The following RNF220 variants were observed in gnomAD, a reference collection of about 807,000 sequenced individuals.
The protein encoded by RNF220 is ring finger protein 220.
In RNF220, 7 loss-of-function variants were observed where a neutral mutation model predicts 67.1. That is an observed-to-expected ratio of 0.10 (90% confidence interval 0.06 to 0.20). The LOEUF (loss-of-function observed/expected upper bound fraction) is 0.20, where lower values mean the gene tolerates loss of function less well. Ranked by LOEUF, RNF220 falls within the 10% of genes least tolerant of loss-of-function variation. The pLI, the probability that RNF220 is intolerant of heterozygous loss-of-function variation, is 1.00. For synonymous variants in RNF220, 270 were observed against 283.2 expected (o/e 0.95, Z 0.47); for missense variants, 565 against 740.3 (o/e 0.76, Z 2.75).
intron 2 of RNF220, among the ~76,000 whole-genome samples, chr1:44,557,302 AT>A (rs1185093642): frequency 6.6e-6 from 1 of 150,948 alleles, no homozygotes; most frequent in Non-Finnish European, 1.5e-5. Context: ...GGGAGCATCG[AT>A]TGAGCCTAGG....
chr1:44,425,699 T>G (rs1649695874), intron 2 of RNF220, among the ~76,000 whole-genome samples: 1 of 152,208 alleles, frequency 6.6e-6, no homozygotes, highest in Non-Finnish European at 1.5e-5. Context: ...TGGTAGATAA[T>G]CCCTGCCCTA....
intron 2 of RNF220, among the ~76,000 whole-genome samples, chr1:44,477,285 T>C (rs1384740327): frequency 6.6e-6 from 1 of 152,230 alleles, no homozygotes; most frequent in East Asian, 1.9e-4. Context: ...GTAAGGCTTA[T>C]AGTCCAGTGG....
Position 44,649,354 on chromosome 1 carries a change from G to A in RNF220, c.1446-307G>A. On this transcript the variant is annotated intron_variant, in intron 12 of 14. Coordinates refer to ENST00000361799, the MANE Select transcript of RNF220 (RefSeq NM_018150.4). This position sits in a 1 kb window ranked among gnomAD's most constrained non-coding sequence, Gnocchi z 5.9. ...GAGCCTGGACTCATGGTGGTGAGGA[G>A]AGATGCCGGAGATACTAGGAGAGAT... 2.3e-6 allele frequency: 1 copy of A among 426,492 alleles called. No individual in the cohort carries two copies. Among genetic ancestry groups the A allele is most frequent in the South Asian group, 2.4e-5 (1 of 42,316 alleles). 26.4% of individuals were successfully genotyped at this position (426,492 alleles called of 1,614,324 possible).
At chr1:44,420,364 T>C (rs1027581803) in intron 2 of RNF220, among the ~76,000 whole-genome samples, 3 of 152,236 alleles carry the variant, frequency 2.0e-5, no homozygotes, top group Admixed American at 1.3e-4. Flanking sequence ...GCTAGACTTA[T>C]GGCTTTACAT....
At chr1:44,545,778 T>C (rs1662085080) in intron 2 of RNF220, among the ~76,000 whole-genome samples, 1 of 148,670 alleles carries the variant, frequency 6.7e-6, no homozygotes, top group Non-Finnish European at 1.5e-5. Context: ...TTTTTTGAGA[T>C]GGAGTCTCAC....
At chr1:44,524,543 T>C (rs1159550381) in intron 2 of RNF220, among the ~76,000 whole-genome samples, 1 of 152,170 alleles carries the variant, frequency 6.6e-6, no homozygotes, top group Non-Finnish European at 1.5e-5. Context: ...TTTTTACATC[T>C]CTTACCTGCC....
At chr1:44,516,097 A>C (rs953807580) in intron 2 of RNF220, among the ~76,000 whole-genome samples, 4 of 152,230 alleles carry the variant, frequency 2.6e-5, no homozygotes, top group African/African-American at 9.6e-5. Flanking sequence ...TTTTTCACTC[A>C]TCTAAACTTT....
intron 2 of RNF220, among the ~76,000 whole-genome samples, chr1:44,546,667 C>G (rs1004308163): frequency 2.0e-5 from 3 of 152,292 alleles, no homozygotes; most frequent in Middle Eastern, 3.4e-3. Context: ...GCTTCAGAGT[C>G]ATTGATGCAC....
At chr1:44,475,973 C>T (rs1655266743) in intron 2 of RNF220, among the ~76,000 whole-genome samples, 1 of 148,532 alleles carries the variant, frequency 6.7e-6, no homozygotes, top group African/African-American at 2.5e-5. Flanking sequence ...GATCGCCAGC[C>T]TAGTAATAGA....
intron 2 of RNF220, among the ~76,000 whole-genome samples, chr1:44,561,048 G>A (rs185071374): frequency 3.3e-5 from 5 of 152,352 alleles, no homozygotes; most frequent in Admixed American, 6.5e-5. Context: ...TCCTGGGAAT[G>A]GAGAAATGAA....
chr1:44,405,815 G>T (rs1358494454), intron 1 of RNF220, among the ~76,000 whole-genome samples: 3 of 144,668 alleles, frequency 2.1e-5, no homozygotes, highest in African/African-American at 7.5e-5. Flanking sequence ...AGGGGGGGAG[G>T]TGCAAGGGGG....
At chr1:44,596,316 C>A (rs1666483997) in intron 2 of RNF220, among the ~76,000 whole-genome samples, 1 of 152,056 alleles carries the variant, frequency 6.6e-6, no homozygotes, top group South Asian at 2.1e-4. Flanking sequence ...AATCCCAGCA[C>A]TTTGGGAGGC....
In RNF220 at chr1:44,544,023, G is replaced by A. The variant is rs530407295; in HGVS notation, c.626-70142G>A. Among the ~76,000 whole-genome samples, 7 of 152,308 alleles carry A rather than the reference G, an allele frequency of 4.6e-5. No individual in the cohort carries two copies. The East Asian group carries it at 1.4e-3, about 29-fold the overall frequency. Reference sequence around the variant, plus strand: ...AGCTGGACAGCAGAGCATCCCACTGGCCTGTGGAGCTGGGGACAGAGAGCA... The same window carrying A: ...AGCTGGACAGCAGAGCATCCCACTGACCTGTGGAGCTGGGGACAGAGAGCA... On this transcript the variant is annotated intron_variant, in intron 2 of 14. Coordinates refer to ENST00000361799, the MANE Select transcript of RNF220 (RefSeq NM_018150.4).
chr1:44,405,887 A>G (rs1288835266), intron 1 of RNF220, among the ~76,000 whole-genome samples: 1 of 152,194 alleles, frequency 6.6e-6, no homozygotes, highest in Non-Finnish European at 1.5e-5. Flanking sequence ...GGAAGGGAGC[A>G]GGACTTCTTT....
chr1:44,632,345 C>G lies in RNF220; in HGVS notation c.909C>G (p.Thr303=), dbSNP rs752360152. 8.1e-6 allele frequency: 13 copies of G among 1,613,988 alleles called. No homozygotes were observed. The highest frequency in any genetic ancestry group is 1.3e-5 in the African/African-American group (1 of 74,916). ...DDLHHSDRYQ[T]FLRVRANRQT... ...ATCTGCCCGCGATCTTCTCCCAGAC[C>G]TTTCTGCGAGTACGAGCCAACCGGC... Residue 303 remains threonine (T), a splice_region_variant and synonymous_variant, in exon 6 of 15, where the codon ACC becomes ACG. Transcript: ENST00000361799.
chr1:44,560,102 G>A (rs1663446598), intron 2 of RNF220, among the ~76,000 whole-genome samples: 1 of 152,204 alleles, frequency 6.6e-6, no homozygotes, highest in South Asian at 2.1e-4. Context: ...GCAGCTACTT[G>A]ATGACGGCGT....
rs374800456 is a variant in RNF220, at chr1:44,587,060, T to TC, written c.626-27100dup. On this transcript the variant is annotated intron_variant, in intron 2 of 14. Coordinates refer to ENST00000361799, the MANE Select transcript of RNF220 (RefSeq NM_018150.4). ...TGATCCCTTAACAACATGGGCAAAT[T>TC]CCCCCTAATTCCCAGTTCCTTCTGT... is the stretch of plus-strand genomic sequence containing the variant. 3.0e-3 allele frequency among the ~76,000 whole-genome samples: 440 copies of TC among 146,624 alleles called. 2 individuals carry two copies. The highest frequency in any genetic ancestry group is 0.011 in the African/African-American group (428 of 38,154).
chr1:44,525,007 G>A (rs1660253640), intron 2 of RNF220, among the ~76,000 whole-genome samples: 1 of 150,424 alleles, frequency 6.6e-6, no homozygotes. Flanking sequence ...GAAAAAAAAT[G>A]TCACCCGTCT....
intron 2 of RNF220, among the ~76,000 whole-genome samples, chr1:44,551,303 C>T (rs778010279): frequency 6.6e-6 from 1 of 151,838 alleles, no homozygotes; most frequent in Non-Finnish European, 1.5e-5. Context: ...TTAGTAGAGA[C>T]GTGGTTTCAC....
Sources: gnomAD v4.1 joint callset for allele counts (sites outside exome capture counted in the v4.1 genomes callset) on GRCh38, gnomAD v4.1.1 for gene constraint, Gnocchi (gnomAD v3.1) non-coding constraint, MANE v1.5 for transcripts, NCBI Gene and HGNC (gene_info 2026-07-23, HGNC 2026-07-21) for gene names.